The following AGBL1 variants were observed in gnomAD, a reference collection of about 807,000 sequenced individuals.
AGBL1 encodes cytosolic carboxypeptidase 4.
A neutral mutation model predicts 118.9 loss-of-function variants in AGBL1; 130 were observed. That is an observed-to-expected ratio of 1.09 (90% CI 0.95 to 1.26). The LOEUF is 1.26. AGBL1 is among the 50% of genes most tolerant of loss of function. The pLI, the probability that AGBL1 is intolerant of heterozygous loss-of-function variation, is 0.00. For missense variants in AGBL1, 1,584 were observed against 1,298.1 expected, an observed-to-expected ratio of 1.22 and a Z score of -3.38; for synonymous variants, 555 against 478.9, an observed-to-expected ratio of 1.16 and a Z score of -2.08.
intron 3 of AGBL1, among the ~76,000 whole-genome samples, chr15:86,144,794 C>T (rs2077010869): frequency 6.6e-6 from 1 of 152,198 alleles, no homozygotes; most frequent in Non-Finnish European, 1.5e-5. Flanking sequence ...CAAACCTGCA[C>T]ATTTACCCTT....
chr15:86,799,814 G>T (rs1477259740), intron 22 of AGBL1, among the ~76,000 whole-genome samples: 1 of 152,102 alleles, frequency 6.6e-6, no homozygotes, highest in East Asian at 1.9e-4. Context: ...TAATGAAATG[G>T]TTCTGCAAGT....
At chr15:86,309,302 G>T (rs533375241) in intron 17 of AGBL1, among the ~76,000 whole-genome samples, 3 of 152,176 alleles carry the variant, frequency 2.0e-5, no homozygotes, top group Non-Finnish European at 4.4e-5. Flanking sequence ...AGCAGTTTTT[G>T]TGTGAAAGTC....
At chr15:86,106,243 C>G (rs143760951) in intron 1 of AGBL1, among the ~76,000 whole-genome samples, 12 of 152,150 alleles carry the variant, frequency 7.9e-5, no homozygotes, top group Middle Eastern at 3.2e-3. Context: ...GATGTGATCC[C>G]TAGAATTCCT....
chr15:86,521,679 G>C (rs543184210), intron 18 of AGBL1, among the ~76,000 whole-genome samples: 1 of 152,242 alleles, frequency 6.6e-6, no homozygotes, highest in African/African-American at 2.4e-5. Flanking sequence ...TGATAAGATA[G>C]AATGGGTGAT....
At chr15:86,091,113 T>C (rs1198360623) in intron 1 of AGBL1, among the ~76,000 whole-genome samples, 1 of 152,204 alleles carries the variant, frequency 6.6e-6, no homozygotes, top group East Asian at 1.9e-4. Flanking sequence ...TGGGTCAGCA[T>C]CTTCTCTGTC....
intron 18 of AGBL1, among the ~76,000 whole-genome samples, chr15:86,398,492 T>C (rs1471900307): frequency 1.3e-5 from 2 of 152,152 alleles, no homozygotes; most frequent in African/African-American, 4.8e-5. Context: ...ATGGAAAATG[T>C]ATTTTTAATA....
intron 22 of AGBL1, among the ~76,000 whole-genome samples, chr15:86,757,065 G>A (rs1046678675): frequency 6.6e-6 from 1 of 151,662 alleles, no homozygotes; most frequent in South Asian, 2.1e-4. Flanking sequence ...ATTAGGCTGA[G>A]AATTTACAAC....
intron 22 of AGBL1, among the ~76,000 whole-genome samples, chr15:86,722,746 G>A (rs1178289609): frequency 1.3e-5 from 2 of 152,088 alleles, no homozygotes; most frequent in East Asian, 1.9e-4. Flanking sequence ...GAAAAGTTTT[G>A]CAATCTACTC....
At chr15:87,013,015 C>T (rs16939694) in intron 24 of AGBL1, among the ~76,000 whole-genome samples, 15,646 of 152,116 alleles carry the variant, frequency 0.1, 1,609 homozygotes, top group African/African-American at 0.27. Context: ...TTTCTGACCA[C>T]GGCTACTGAT....
At chr15:86,370,440 G>T (rs1211102011) in intron 17 of AGBL1, among the ~76,000 whole-genome samples, 1 of 151,988 alleles carries the variant, frequency 6.6e-6, no homozygotes, top group Non-Finnish European at 1.5e-5. Flanking sequence ...GAGTAGCCGG[G>T]ATTACAGGCA....
At chr15:86,389,692 A>G (rs1339350980) in intron 17 of AGBL1, among the ~76,000 whole-genome samples, 1 of 152,210 alleles carries the variant, frequency 6.6e-6, no homozygotes, top group East Asian at 1.9e-4. Context: ...GGAAACTAAA[A>G]TATAGTAGAT....
At chr15:86,341,611 C>T (rs1302379374) in intron 17 of AGBL1, among the ~76,000 whole-genome samples, 6 of 152,170 alleles carry the variant, frequency 3.9e-5, no homozygotes, top group African/African-American at 1.4e-4. Context: ...TTCATTCTTG[C>T]CAGATTGTAG....
At chr15:86,705,692 T>C (rs536561558) in intron 22 of AGBL1, among the ~76,000 whole-genome samples, 8 of 152,268 alleles carry the variant, frequency 5.3e-5, no homozygotes, top group East Asian at 1.9e-4. Context: ...TAATGTACCA[T>C]TGGTTGGCAA....
chr15:86,519,814 C>A (rs1258960955), intron 18 of AGBL1, among the ~76,000 whole-genome samples: 1 of 152,166 alleles, frequency 6.6e-6, no homozygotes, highest in East Asian at 1.9e-4. Context: ...AAAATAAGAG[C>A]TTTCTTAAGT....
intron 15 of AGBL1, among the ~76,000 whole-genome samples, chr15:86,275,343 G>C (rs2079233659): frequency 6.6e-6 from 1 of 152,198 alleles, no homozygotes; most frequent in African/African-American, 2.4e-5. Context: ...GATCTCAAGA[G>C]AGAGATCTGG....
chr15:86,662,751 A>G (rs1481617796), intron 21 of AGBL1, among the ~76,000 whole-genome samples: 1 of 152,140 alleles, frequency 6.6e-6, no homozygotes, highest in Non-Finnish European at 1.5e-5. Flanking sequence ...TTCACAGGCA[A>G]ATGCTAATCT....
chr15:86,808,927 T>A (rs146705860), intron 22 of AGBL1, among the ~76,000 whole-genome samples: 2 of 152,234 alleles, frequency 1.3e-5, no homozygotes, highest in East Asian at 3.9e-4. Flanking sequence ...ACATACTCAA[T>A]AACTATTTGT....
In AGBL1 at chr15:86,264,461, CA is replaced by C. The variant is rs760873048; in HGVS notation, c.1298del (p.Asn433IlefsTer4). 2 of 1,613,422 alleles carry C rather than the reference CA, an allele frequency of 1.2e-6. No individual in the cohort carries two copies. The highest frequency in any genetic ancestry group is 2.2e-5 in the East Asian group (1 of 44,868). On this transcript the variant is annotated frameshift_variant, in exon 11 of 23. Coordinates refer to ENST00000614907, the MANE Select transcript of AGBL1 (RefSeq NM_001386094.1). LOFTEE classifies it high-confidence loss of function. Reference sequence around the variant, plus strand: ...GAAGGTCCACTGTGCATCTAGGCTCCAAAAAAAATCCTGGAGTGAACCTGTA... The same window carrying C: ...GAAGGTCCACTGTGCATCTAGGCTCCAAAAAAATCCTGGAGTGAACCTGTA... The part of the protein sequence containing the change: ...TGRSTVHLGS[K>X]KNPGVNLYQN...
At chr15:87,002,776 G>T (rs1397678204) in intron 24 of AGBL1, among the ~76,000 whole-genome samples, 1 of 151,390 alleles carries the variant, frequency 6.6e-6, no homozygotes, top group Non-Finnish European at 1.5e-5. Flanking sequence ...TTGGCTCTCT[G>T]TTTGTCTGTT....
Sources: gnomAD v4.1 joint callset for allele counts (sites outside exome capture counted in the v4.1 genomes callset) on GRCh38, gnomAD v4.1.1 for gene constraint, MANE v1.5 for transcripts, NCBI Gene and HGNC (gene_info 2026-07-23, HGNC 2026-07-21) for gene names.